NFAT5: variants seen among roughly 807,000 people sequenced by gnomAD.
The protein encoded by NFAT5 is nuclear factor of activated T-cells 5.
Under a neutral mutation model 166.5 loss-of-function variants are expected in NFAT5, and 31 were observed. The observed-to-expected ratio is 0.19, with a 90% CI of 0.14 to 0.25. The LOEUF is 0.25. Ranked by LOEUF, NFAT5 falls within the 10% of genes least tolerant of loss-of-function variation. NFAT5 has a pLI of 1.00. For missense variants in NFAT5, 1,449 were observed against 1,821.8 expected (o/e 0.80, Z 3.72); for synonymous variants, 612 against 639.7 (o/e 0.96, Z 0.65).
chr16:69,597,574 G>C (rs961488170), intron 2 of NFAT5, among the ~76,000 whole-genome samples: 9 of 151,462 alleles, frequency 5.9e-5, no homozygotes, highest in Non-Finnish European at 1.0e-4. Flanking sequence ...TTCTAAGGTG[G>C]GTCTTGGACC....
At chr16:69,605,439 A>G (rs1216679527) in intron 2 of NFAT5, among the ~76,000 whole-genome samples, 1 of 152,232 alleles carries the variant, frequency 6.6e-6, no homozygotes, top group African/African-American at 2.4e-5. Flanking sequence ...CAGTGTCTCA[A>G]AAAGAAAATA....
rs751783730 is a variant in NFAT5, at chr16:69,692,511, A to T, written c.2686A>T (p.Asn896Tyr). The T allele has an allele frequency of 1.9e-6, 3 of 1,614,180 alleles. No individual in the cohort carries two copies. The highest frequency in any genetic ancestry group is 2.5e-6 in the Non-Finnish European group (3 of 1,180,042). Residue 896 changes from asparagine to tyrosine, a missense_variant, in exon 13 of 15, where the codon AAT becomes TAT. Transcript: ENST00000349945. ...VHPQSENTLSNQQQQQQQQQQ... is the reference protein window; with the variant it reads ...VHPQSENTLSYQQQQQQQQQQ... ...TCCACAGTCTGAAAACACGTTATCT[A>T]ATCAACAGCAGCAGCAGCAGCAGCA...
At chr16:69,585,886 G>C (rs1227969807) in intron 2 of NFAT5, among the ~76,000 whole-genome samples, 4 of 152,162 alleles carry the variant, frequency 2.6e-5, no homozygotes, top group Non-Finnish European at 4.4e-5. Context: ...TAGTTAAATG[G>C]GTACAGAGTT....
At chr16:69,669,927 G>T in intron 7 of NFAT5, 50 bp from the exon 8 acceptor site, 1 of 1,492,948 alleles carries the variant, frequency 6.7e-7, no homozygotes, top group Non-Finnish European at 8.9e-7. Flanking sequence ...TTTTAGGTAA[G>T]AAATAAGTTT....
chr16:69,690,451 G>A (rs911974137), intron 11 of NFAT5: 1 of 152,144 alleles, frequency 6.6e-6, no homozygotes, highest in African/African-American at 2.4e-5. Context: ...ATCACTGGGT[G>A]GTATTTTCTA....
chr16:69,605,698 C>T (rs1264818140), intron 2 of NFAT5, among the ~76,000 whole-genome samples: 12 of 151,780 alleles, frequency 7.9e-5, no homozygotes, highest in Admixed American at 7.9e-4. Context: ...CTGTGAAAGT[C>T]TGTTCCCTTT....
rs1383027124 is a variant in NFAT5 at position 69,703,978 on chromosome 16, T to A, written c.*7627T>A. The A allele has an allele frequency of 1.3e-5, 2 of 152,444 alleles. No homozygotes were observed. Among genetic ancestry groups the A allele is most frequent in the Non-Finnish European group, 2.9e-5 (2 of 68,030 alleles). The allele number at this position is 152,444 out of a possible 1,614,324, so 9.4% of individuals were successfully genotyped here. A position where few individuals can be genotyped will look rare whatever the true frequency, so the allele number is the denominator to read the frequency against. ...ATTTTGTAGGGATTGCTTATTATAT[T>A]ATTTTAGCTGATGAACCTCAGGACA... On this transcript the variant is annotated 3_prime_UTR_variant, in exon 15 of 15. Coordinates refer to ENST00000349945, the MANE Select transcript of NFAT5 (RefSeq NM_138713.4).
chr16:69,664,951 T>A (rs999571952), intron 7 of NFAT5, among the ~76,000 whole-genome samples: 1 of 152,138 alleles, frequency 6.6e-6, no homozygotes. Context: ...TGCTTGAACC[T>A]GGGAGGTGGA....
chr16:69,693,632 G>A lies in NFAT5; in HGVS notation c.3807G>A (p.Gln1269=), dbSNP rs2037646921. 1 of 1,614,048 alleles carries A rather than the reference G, an allele frequency of 6.2e-7. No individual in the cohort carries two copies. Among genetic ancestry groups the A allele is most frequent in the Middle Eastern group, 1.6e-4 (1 of 6,062 alleles). The stretch of plus-strand genomic sequence containing the variant: ...GTAACTCTCCATCCCAGGAACAGCA[G>A]CAGCAGCAGCAACAGCAGCAGCAAC... ...MQSNSPSQEQ[Q]QQQQQQQQQQ... is the part of the protein sequence containing the mutation. The change falls in exon 13 of 15, where the codon CAG becomes CAA. Residue 1269 remains glutamine (Q), a synonymous_variant. Coordinates refer to ENST00000349945, the MANE Select transcript of NFAT5 (RefSeq NM_138713.4).
chr16:69,676,197 C>T (rs1013133422), intron 9 of NFAT5, among the ~76,000 whole-genome samples: 8 of 152,282 alleles, frequency 5.3e-5, no homozygotes, highest in Admixed American at 2.0e-4. Context: ...GTGATATCCC[C>T]TACCATTATA....
chr16:69,694,317 CAG>C (rs2037683561), intron 13 of NFAT5, 78 bp downstream of exon 13: 1 of 1,102,214 alleles, frequency 9.1e-7, no homozygotes, highest in Non-Finnish European at 1.3e-6. Context: ...GGTGCGATCT[CAG>C]CTCACTGCAC....
Position 69,693,819 on chromosome 16 carries a change from A to T in NFAT5, c.3994A>T (p.Asn1332Tyr). 4 of 1,614,262 alleles carry T rather than the reference A, an allele frequency of 2.5e-6. No individual in the cohort carries two copies. Among genetic ancestry groups the T allele is most frequent in the Non-Finnish European group, 3.4e-6 (4 of 1,180,048 alleles). Residue 1332 changes from asparagine (N) to tyrosine (Y), a missense_variant, in exon 13 of 15, where the codon AAC (asparagine) becomes TAC (tyrosine). By Grantham distance (143) the Asn-to-Tyr change is moderately radical. Coordinates refer to ENST00000349945, the MANE Select transcript of NFAT5 (RefSeq NM_138713.4). ...CCAGTCAATTTTTCACCAACAAAGT[A>T]ACATGGCCCCAATGAATCAAGAGCA... is the stretch of plus-strand genomic sequence containing the variant. ...QNQSIFHQQS[N>Y]MAPMNQEQQP...
intron 2 of NFAT5, among the ~76,000 whole-genome samples, chr16:69,621,956 C>G (rs1016609579): frequency 6.9e-6 from 1 of 144,326 alleles, no homozygotes; most frequent in Non-Finnish European, 1.5e-5. Flanking sequence ...CAGTGAGACC[C>G]TGACTCAAAT....
At chr16:69,606,788 A>G (rs2033434980) in intron 2 of NFAT5, among the ~76,000 whole-genome samples, 1 of 152,156 alleles carries the variant, frequency 6.6e-6, no homozygotes, top group African/African-American at 2.4e-5. Context: ...GGGGAGGCAG[A>G]GGTTGCAGTG....
chr16:69,646,740 T>G (rs1296414661), intron 3 of NFAT5, among the ~76,000 whole-genome samples: 1 of 152,222 alleles, frequency 6.6e-6, no homozygotes, highest in Non-Finnish European at 1.5e-5. Context: ...AATGTCCAGC[T>G]GAGGCAATAA....
intron 11 of NFAT5, among the ~76,000 whole-genome samples, chr16:69,689,390 G>A (rs2037459065): frequency 6.6e-6 from 1 of 152,150 alleles, no homozygotes; most frequent in Non-Finnish European, 1.5e-5. Flanking sequence ...AAACTACTTA[G>A]GTAGAATAAT....
intron 3 of NFAT5, among the ~76,000 whole-genome samples, chr16:69,627,044 A>G (rs916918244): frequency 5.3e-5 from 8 of 151,892 alleles, no homozygotes; most frequent in African/African-American, 1.9e-4. Context: ...GGACGTCAAT[A>G]TAATATTTAT....
chr16:69,625,508 G>A lies in NFAT5; in HGVS notation c.128-895G>A, dbSNP rs1469712266. On this transcript the variant is annotated intron_variant, in intron 2 of 14. Coordinates refer to ENST00000349945, the MANE Select transcript of NFAT5 (RefSeq NM_138713.4). ...TTGGAGATGCCTCAGAGAGTAAGAA[G>A]TATTTGCTTGAGCCATAACATTCCT... is the stretch of plus-strand genomic sequence containing the variant. Among the ~76,000 whole-genome samples the A allele has an allele frequency of 2.0e-5, 3 of 150,614 alleles. No individual in the cohort carries two copies. The East Asian group carries it at 5.8e-4, about 29-fold the overall frequency.
intron 7 of NFAT5, among the ~76,000 whole-genome samples, chr16:69,660,800 C>G (rs144315940): frequency 3.0e-4 from 11 of 36,086 alleles, no homozygotes; most frequent in East Asian, 4.5e-3. Flanking sequence ...CTTTTCACGT[C>G]TCTCTCTCTC....
Sources: gnomAD v4.1 joint callset for allele counts (sites outside exome capture counted in the v4.1 genomes callset) on GRCh38, gnomAD v4.1.1 for gene constraint, MANE v1.5 for transcripts, NCBI Gene and HGNC (gene_info 2026-07-23, HGNC 2026-07-21) for gene names.